The following NAT1 variants were observed in gnomAD, a reference collection of about 807,000 sequenced individuals.
NAT1 encodes N-acetyltransferase 1, also known as arylamine N-acetyltransferase 1.
For synonymous variants in NAT1, 144 were observed against 122.6 expected (o/e 1.17, Z -1.16); for missense variants, 400 against 339.2 (o/e 1.18, Z -1.41).
intron 2 of NAT1, among the ~76,000 whole-genome samples, chr8:18,176,938 T>C (rs1001092712): frequency 2.0e-5 from 3 of 152,002 alleles, no homozygotes; most frequent in African/African-American, 7.2e-5. Flanking sequence ...TTTCACCTCC[T>C]TGGTTAAATT....
intron 2 of NAT1, among the ~76,000 whole-genome samples, chr8:18,186,907 C>T (rs1266693905): frequency 6.6e-6 from 1 of 152,110 alleles, no homozygotes; most frequent in African/African-American, 2.4e-5. Context: ...AGAAGAAACT[C>T]GAGGAGCTAA....
intron 2 of NAT1, among the ~76,000 whole-genome samples, chr8:18,197,655 T>A (rs1159221694): frequency 1.3e-5 from 2 of 152,196 alleles, no homozygotes; most frequent in Non-Finnish European, 2.9e-5. Context: ...GTGTGGCGGT[T>A]TGTCTAAACA....
At chr8:18,177,275 A>G (rs1329113330) in intron 2 of NAT1, among the ~76,000 whole-genome samples, 1 of 152,096 alleles carries the variant, frequency 6.6e-6, no homozygotes, top group East Asian at 1.9e-4. Context: ...AATAGTAAAT[A>G]TTAAAAGACA....
intron 2 of NAT1, among the ~76,000 whole-genome samples, chr8:18,202,123 T>C (rs931663224): frequency 6.6e-6 from 1 of 152,250 alleles, no homozygotes. Context: ...ATTGACTTAA[T>C]ATTTACATAA....
At chr8:18,170,891 C>CTG (rs1802073109) in intron 2 of NAT1, among the ~76,000 whole-genome samples, 1 of 119,626 alleles carries the variant, frequency 8.4e-6, no homozygotes, top group Non-Finnish European at 1.9e-5. Flanking sequence ...TTTTCTCTCT[C>CTG]TCCTTTTTTT....
intron 2 of NAT1, among the ~76,000 whole-genome samples, chr8:18,195,776 G>A (rs1803204044): frequency 6.6e-6 from 1 of 152,098 alleles, no homozygotes; most frequent in Admixed American, 6.5e-5. Flanking sequence ...GCTGCACTCA[G>A]AGCCCATAAA....
chr8:18,214,236 G>A (rs181736852), intron 1 of NAT1, among the ~76,000 whole-genome samples: 1 of 152,278 alleles, frequency 6.6e-6, no homozygotes, highest in African/African-American at 2.4e-5. Flanking sequence ...CTCCTTTAGT[G>A]TGACCTCTCT....
Position 18,217,038 on chromosome 8 carries a change from G to C in NAT1, c.-85-2373G>C, listed in dbSNP as rs565225518. On this transcript the variant is annotated intron_variant, in intron 1 of 2. Transcript: ENST00000307719. The stretch of plus-strand genomic sequence containing the variant: ...GTACCTCCAGTTTCGCATACAAAAA[G>C]GGAGAAAGGCAACTTGTAGATTGGG... 6.0e-6 allele frequency: 8 copies of C among 1,335,924 alleles called. No homozygotes were observed. In the East Asian group the frequency reaches 2.0e-4, roughly 34 times the overall value. 82.8% of individuals were successfully genotyped at this position (1,335,924 alleles called of 1,614,324 possible). A position where few individuals can be genotyped will look rare whatever the true frequency, so the allele number is the denominator to read the frequency against.
At chr8:18,208,755 C>T (rs1186075318), upstream of NAT1, among the ~76,000 whole-genome samples, 1 of 152,158 alleles carries the variant, frequency 6.6e-6, no homozygotes, top group African/African-American at 2.4e-5. Flanking sequence ...GGCAGAGCCT[C>T]CAAGGCCCTT....
intron 2 of NAT1, among the ~76,000 whole-genome samples, chr8:18,194,735 G>A (rs951147313): frequency 6.6e-5 from 10 of 151,754 alleles, no homozygotes; most frequent in African/African-American, 1.5e-4. Context: ...CAGGAGAATC[G>A]CTTGAACCCT....
intron 2 of NAT1, among the ~76,000 whole-genome samples, chr8:18,176,084 T>C (rs1802283954): frequency 6.6e-6 from 1 of 152,154 alleles, no homozygotes; most frequent in Non-Finnish European, 1.5e-5. Context: ...GTTGTTTGAG[T>C]TCCTTATATA....
At chr8:18,202,335 C>T (rs181089887) in intron 2 of NAT1, among the ~76,000 whole-genome samples, 3 of 152,244 alleles carry the variant, frequency 2.0e-5, no homozygotes, top group African/African-American at 7.2e-5. Context: ...GGGAACTGAA[C>T]GGGCAATCAA....
chr8:18,198,308 G>A (rs889868323), intron 2 of NAT1, among the ~76,000 whole-genome samples: 1 of 152,206 alleles, frequency 6.6e-6, no homozygotes, highest in African/African-American at 2.4e-5. Flanking sequence ...TGATCATTAA[G>A]TTAATATCTT....
At chr8:18,180,654 T>C (rs1802477229) in intron 2 of NAT1, among the ~76,000 whole-genome samples, 1 of 152,166 alleles carries the variant, frequency 6.6e-6, no homozygotes, top group Non-Finnish European at 1.5e-5. Flanking sequence ...ACAGAGGCTT[T>C]TGAATGTTCT....
Position 18,181,958 on chromosome 8 carries a change from T to C in NAT1, n.92+11219T>C, listed in dbSNP as rs141405325. On this transcript the variant is annotated intron_variant and non_coding_transcript_variant, in intron 2 of 4. Coordinates refer to the NAT1 transcript ENST00000517441. Reference sequence around the variant, plus strand: ...TGTGGGGGCTCTGCCTGTGCTGTGTTGCACCGTGGCAGGCCTGACTCTAAA... The same window carrying C: ...TGTGGGGGCTCTGCCTGTGCTGTGTCGCACCGTGGCAGGCCTGACTCTAAA... Among the ~76,000 whole-genome samples the C allele has an allele frequency of 4.3e-3, 658 of 152,258 alleles. 6 individuals carry two copies. Among genetic ancestry groups the C allele is most frequent in the African/African-American group, 0.014 (594 of 41,534 alleles).
intron 2 of NAT1, among the ~76,000 whole-genome samples, chr8:18,187,492 G>C (rs1003396864): frequency 1.3e-5 from 2 of 152,080 alleles, no homozygotes; most frequent in African/African-American, 4.8e-5. Context: ...TGTGTATGTG[G>C]TACATATACA....
At chr8:18,182,311 T>A (rs765302892) in intron 2 of NAT1, among the ~76,000 whole-genome samples, 1 of 152,212 alleles carries the variant, frequency 6.6e-6, no homozygotes, top group Non-Finnish European at 1.5e-5. Flanking sequence ...AATATTCCAA[T>A]GTATCAGTCT....
At chr8:18,217,115 G>A (rs867829703) in intron 1 of NAT1, 13 of 682,424 alleles carry the variant, frequency 1.9e-5, no homozygotes, top group Middle Eastern at 2.6e-4. Context: ...TTATATAACT[G>A]GTTTTCCCTC....
chr8:18,208,837 A>G (rs1803851055), upstream of NAT1, among the ~76,000 whole-genome samples: 1 of 152,218 alleles, frequency 6.6e-6, no homozygotes. Context: ...CTGCTACCTC[A>G]GCAGGAGGAA....
Sources: allele counts gnomAD v4.1 joint callset (sites outside exome capture counted in the v4.1 genomes callset), GRCh38; gene constraint gnomAD v4.1.1; transcripts MANE v1.5; gene names NCBI Gene and HGNC (gene_info 2026-07-23, HGNC 2026-07-21).